MGAT4C: variants seen among roughly 807,000 people sequenced by gnomAD.
The protein encoded by MGAT4C is MGAT4 family member C, also known as alpha-1,3-mannosyl-glycoprotein 4-beta-N-acetylglucosaminyltransferase C.
Under a neutral mutation model 40.1 loss-of-function variants are expected in MGAT4C, and 19 were observed. That is an observed-to-expected ratio of 0.47 (90% CI 0.33 to 0.70). The LOEUF is 0.70. Among genes scored for constraint, MGAT4C ranks in the 30% least tolerant of loss-of-function variants. MGAT4C has a pLI of 0.02. For synonymous variants in MGAT4C, 181 were observed against 187.1 expected (o/e 0.97, Z 0.27); for missense variants, 491 against 563.2 (o/e 0.87, Z 1.30).
chr12:86,402,589 A>G (rs886986543), intron 3 of MGAT4C, among the ~76,000 whole-genome samples: 5 of 152,180 alleles, frequency 3.3e-5, no homozygotes, highest in African/African-American at 9.7e-5. Context: ...AGATAAATAG[A>G]TATCAGTAGA....
intron 2 of MGAT4C, among the ~76,000 whole-genome samples, chr12:86,554,566 G>A (rs2136400866): frequency 6.6e-6 from 1 of 152,208 alleles, no homozygotes; most frequent in South Asian, 2.1e-4. Flanking sequence ...ACTTCCAGGT[G>A]CTCCTATTTT....
chr12:86,431,108 G>A (rs919131569), intron 3 of MGAT4C, among the ~76,000 whole-genome samples: 2 of 152,160 alleles, frequency 1.3e-5, no homozygotes, highest in Non-Finnish European at 2.9e-5. Context: ...GGCAGGGTGA[G>A]TTAAAAGCAT....
rs111338291 is a variant in MGAT4C at position 86,493,918 on chromosome 12, G to A, written c.-228-58653C>T. ...GCATATGCTGAGAATGTGTATTCTT[G>A]CAACATCTCTGAAAATGTTGCGATT... On this transcript the variant is annotated intron_variant, in intron 2 of 7. Coordinates refer to the MGAT4C transcript ENST00000548651. 3.3e-3 allele frequency among the ~76,000 whole-genome samples: 499 copies of A among 152,064 alleles called. 2 individuals are homozygous for A. The highest frequency in any genetic ancestry group is 0.012 in the African/African-American group (482 of 41,504).
At chr12:86,238,418 A>C (rs1951643442) in intron 1 of MGAT4C, among the ~76,000 whole-genome samples, 1 of 152,178 alleles carries the variant, frequency 6.6e-6, no homozygotes, top group South Asian at 2.1e-4. Flanking sequence ...TCATAAAAAA[A>C]TCATTACAGT....
intron 2 of MGAT4C, among the ~76,000 whole-genome samples, chr12:86,588,079 G>A (rs1174341599): frequency 1.3e-5 from 2 of 151,852 alleles, no homozygotes; most frequent in Non-Finnish European, 2.9e-5. Flanking sequence ...GATATTGGCT[G>A]TGGGTCTGTC....
intron 2 of MGAT4C, among the ~76,000 whole-genome samples, chr12:86,657,455 T>A (rs1306968659): frequency 6.6e-6 from 1 of 151,818 alleles, no homozygotes. Flanking sequence ...CTCTCAAGAA[T>A]TTAACTTCAG....
At chr12:86,295,721 G>C (rs1003110249) in intron 4 of MGAT4C, among the ~76,000 whole-genome samples, 1 of 152,104 alleles carries the variant, frequency 6.6e-6, no homozygotes, top group East Asian at 1.9e-4. Flanking sequence ...CCCTGAGCTA[G>C]ATACAAAGGT....
rs1334783935 is a variant in MGAT4C at position 85,975,284 on chromosome 12, C to T, written c.*4005G>A. 6.6e-6 allele frequency: 1 copy of T among 151,000 alleles called. No homozygotes were observed. The highest frequency in any genetic ancestry group is 2.1e-4 in the South Asian group (1 of 4,824). 9.4% of individuals were successfully genotyped at this position (151,000 alleles called of 1,614,324 possible). On this transcript the variant is annotated 3_prime_UTR_variant, in exon 5 of 5. Transcript: ENST00000611864. The stretch of plus-strand genomic sequence containing the variant: ...TAAATTTTATAATTGTTATTGATTA[C>T]AATGAAGGCCTCTGGTAATGTTTTC...
At chr12:86,456,395 T>C (rs1249878929) in intron 2 of MGAT4C, among the ~76,000 whole-genome samples, 1 of 152,100 alleles carries the variant, frequency 6.6e-6, no homozygotes, top group Non-Finnish European at 1.5e-5. Context: ...ATGTGGATAG[T>C]AAATGGCAGC....
At chr12:86,206,189 A>G (rs575962558) in intron 1 of MGAT4C, among the ~76,000 whole-genome samples, 1 of 152,328 alleles carries the variant, frequency 6.6e-6, no homozygotes, top group South Asian at 2.1e-4. Flanking sequence ...ACACACTGGC[A>G]TCAACCATTA....
intron 3 of MGAT4C, among the ~76,000 whole-genome samples, chr12:86,423,734 A>G (rs1204966198): frequency 6.6e-6 from 1 of 152,214 alleles, no homozygotes; most frequent in Non-Finnish European, 1.5e-5. Context: ...ATTGAACATT[A>G]CATTACATTA....
intron 2 of MGAT4C, among the ~76,000 whole-genome samples, chr12:86,685,118 T>C (rs1459503123): frequency 6.6e-6 from 1 of 152,222 alleles, no homozygotes; most frequent in African/African-American, 2.4e-5. Context: ...CACATATCTA[T>C]GTCCTGAATG....
intron 1 of MGAT4C, among the ~76,000 whole-genome samples, chr12:86,195,841 G>C (rs1172098804): frequency 2.0e-5 from 3 of 152,068 alleles, no homozygotes; most frequent in Non-Finnish European, 4.4e-5. Flanking sequence ...AAATATATCT[G>C]AATCTGCATT....
chr12:86,810,264 G>C (rs1952447214), intron 1 of MGAT4C, among the ~76,000 whole-genome samples: 1 of 151,816 alleles, frequency 6.6e-6, no homozygotes, highest in African/African-American at 2.4e-5. Context: ...TATGTTATAA[G>C]AAATAATCAT....
intron 2 of MGAT4C, among the ~76,000 whole-genome samples, chr12:86,464,954 G>T (rs968436479): frequency 6.6e-6 from 1 of 151,994 alleles, no homozygotes; most frequent in African/African-American, 2.4e-5. Flanking sequence ...TTGTTGGGTT[G>T]TTCTAGAAAT....
chr12:85,981,889 A>T (rs1329948694), intron 4 of MGAT4C, among the ~76,000 whole-genome samples: 1 of 152,110 alleles, frequency 6.6e-6, no homozygotes, highest in African/African-American at 2.4e-5. Context: ...TAGCATGGGA[A>T]AAGGTAATCA....
rs148804919 is a variant in MGAT4C at position 86,597,156 on chromosome 12, C to T, written c.-229+130053G>A. Among the ~76,000 whole-genome samples, 830 of 152,320 alleles carry T rather than the reference C, an allele frequency of 5.4e-3. 4 individuals are homozygous for T. The highest frequency in any genetic ancestry group is 9.0e-3 in the Non-Finnish European group (615 of 68,026). On this transcript the variant is annotated intron_variant, in intron 2 of 7. Coordinates refer to the MGAT4C transcript ENST00000548651. ...GGACAGCAGTCCTAATATATTCATG[C>T]TACATGCCTGAAATCCTGGACCAGG...
At chr12:86,218,588 T>C (rs188406140) in intron 1 of MGAT4C, among the ~76,000 whole-genome samples, 4 of 152,320 alleles carry the variant, frequency 2.6e-5, no homozygotes. Flanking sequence ...GTTTGAGAAA[T>C]TGTATGATAT....
rs1883456592 is a variant in MGAT4C at position 85,968,247 on chromosome 12, C to T, written c.*11042G>A. 6.6e-6 allele frequency: 1 copy of T among 151,982 alleles called. No individual in the cohort carries two copies. Among genetic ancestry groups the T allele is most frequent in the Non-Finnish European group, 1.5e-5 (1 of 67,926 alleles). 9.4% of individuals were successfully genotyped at this position (151,982 alleles called of 1,614,324 possible). On this transcript the variant is annotated 3_prime_UTR_variant, in exon 5 of 5. Transcript: ENST00000611864. ...AGTTAATTTTGTGGAAAGAGGAAGG[C>T]AGCTCAGTTTACAAACAGCAGTGGG...
Sources: gnomAD v4.1 joint callset for allele counts (sites outside exome capture counted in the v4.1 genomes callset) on GRCh38, gnomAD v4.1.1 for gene constraint, MANE v1.5 for transcripts, NCBI Gene and HGNC (gene_info 2026-07-23, HGNC 2026-07-21) for gene names.